The following TRPC3 variants were observed in gnomAD, a reference collection of about 807,000 sequenced individuals.
TRPC3 encodes the protein short transient receptor potential channel 3.
Under a neutral mutation model 90.9 loss-of-function variants are expected in TRPC3, and 54 were observed. That is an observed-to-expected ratio of 0.59 (90% CI 0.48 to 0.75). The LOEUF is 0.75. TRPC3 is among the 30% of genes least tolerant of loss of function. The pLI, the probability that TRPC3 is intolerant of heterozygous loss-of-function variation, is 0.00. For synonymous variants in TRPC3, 424 were observed against 450.9 expected, an observed-to-expected ratio of 0.94 and a Z score of 0.75; for missense variants, 918 against 1,194.5, an observed-to-expected ratio of 0.77 and a Z score of 3.41.
At chr4:121,905,779 T>G (rs565745069) in intron 7 of TRPC3, among the ~76,000 whole-genome samples, 78 of 152,238 alleles carry the variant, frequency 5.1e-4, no homozygotes, top group African/African-American at 1.9e-3. Flanking sequence ...GCACCTATTA[T>G]GTTCCAGAAA....
At chr4:121,897,731 T>C (rs572119799) in intron 10 of TRPC3, among the ~76,000 whole-genome samples, 16 of 152,006 alleles carry the variant, frequency 1.1e-4, no homozygotes, top group Non-Finnish European at 1.6e-4. Context: ...AACCATTATG[T>C]AGAACAGTAT....
intron 2 of TRPC3, among the ~76,000 whole-genome samples, chr4:121,930,305 T>C (rs1024939193): frequency 1.3e-5 from 2 of 152,164 alleles, no homozygotes; most frequent in African/African-American, 4.8e-5. Context: ...GAGATTTAGA[T>C]GATTTTTGCT....
At position 121,903,050 on chromosome 4, in the gene TRPC3, A is replaced by C; in HGVS notation, c.2265T>G (p.Asp755Glu). 6.2e-7 allele frequency: 1 copy of C among 1,611,572 alleles called. No homozygotes were observed. ...SSYQEIEDDS[D>E]VEWKFARSKL... ...TTGAACGAGCAAACTTCCATTCTAC[A>C]TCACTGTCATCCTGTGTCACAAAAA... The change falls in exon 9 of 12, where the codon GAT (aspartate) becomes GAG (glutamate). Residue 755 changes from aspartate to glutamate, a missense_variant. This residue lies in a region of TRPC3 where 121 missense variants were observed against 135.7 expected (regional missense o/e 0.89). Coordinates refer to ENST00000379645, the MANE Select transcript of TRPC3 (RefSeq NM_001130698.2).
At chr4:121,922,809 CAATATATT>C (rs1337589327) in intron 3 of TRPC3, among the ~76,000 whole-genome samples, 3 of 152,200 alleles carry the variant, frequency 2.0e-5, no homozygotes, top group African/African-American at 4.8e-5. Flanking sequence ...CCTTTTCCCT[CAATATATT>C]AATAACAAAA....
rs199593201 is a variant in TRPC3 at position 121,932,575 on chromosome 4, G to C, written c.683C>G (p.Thr228Arg). 3 of 1,614,214 alleles carry C rather than the reference G, an allele frequency of 1.9e-6. No individual in the cohort carries two copies. Among genetic ancestry groups the C allele is most frequent in the Non-Finnish European group, 1.7e-6 (2 of 1,180,046 alleles). Residue 228 changes from threonine to arginine, a missense_variant, in exon 2 of 12, where the codon ACG becomes AGG. This residue lies in a region of TRPC3 where 609 missense variants were observed against 725.9 expected (regional missense o/e 0.84). Coordinates refer to ENST00000379645, the MANE Select transcript of TRPC3 (RefSeq NM_001130698.2). This position sits in a 1 kb window ranked among gnomAD's most constrained non-coding sequence, Gnocchi z 7.7. ...GGGGGTGATGTCCGGCGAGAAGCGC[G>C]TGCCGTCCTCGTCGTAAGCGTAGAA... is the stretch of plus-strand genomic sequence containing the variant. ...DDFYAYDEDGTRFSPDITPII... is the reference protein window; with the variant it reads ...DDFYAYDEDGRRFSPDITPII...
At chr4:121,903,085 A>G in intron 8 of TRPC3, 24 bp from the exon 9 acceptor site, 1 of 1,573,414 alleles carries the variant, frequency 6.4e-7, no homozygotes, top group Non-Finnish European at 8.6e-7. Flanking sequence ...ATAGAAAAAA[A>G]AACTAATTTT....
At chr4:121,921,748 T>C (rs1578637131) in intron 3 of TRPC3, among the ~76,000 whole-genome samples, 2 of 151,588 alleles carry the variant, frequency 1.3e-5, no homozygotes, top group Non-Finnish European at 2.9e-5. Context: ...GTGGGCAGGG[T>C]TTGTGCATCA....
intron 2 of TRPC3, among the ~76,000 whole-genome samples, chr4:121,931,753 G>A (rs915432344): frequency 6.6e-6 from 1 of 152,102 alleles, no homozygotes. Flanking sequence ...ACAAATGCTT[G>A]GGCCAATGAA....
intron 1 of TRPC3, chr4:121,950,742 C>A (rs1256530254): frequency 6.6e-6 from 1 of 152,324 alleles, no homozygotes; most frequent in Admixed American, 6.5e-5. Context: ...GACCCTGCAC[C>A]GCCTGGGAAC....
At chr4:121,949,740 CACA>C (rs1222277620) in intron 1 of TRPC3, among the ~76,000 whole-genome samples, 2 of 152,090 alleles carry the variant, frequency 1.3e-5, no homozygotes, top group Non-Finnish European at 2.9e-5. Flanking sequence ...ATAAGTATAC[CACA>C]ACATTTACTT....
chr4:121,911,736 T>TA (rs1462044611), intron 5 of TRPC3, 141 bp downstream of exon 5: 3 of 875,328 alleles, frequency 3.4e-6, no homozygotes, highest in Non-Finnish European at 5.0e-6. Context: ...ATTATTTGGT[T>TA]ATTTTGCTAT....
At chr4:121,914,096 T>A (rs1424860086) in intron 4 of TRPC3, among the ~76,000 whole-genome samples, 1 of 152,152 alleles carries the variant, frequency 6.6e-6, no homozygotes, top group African/African-American at 2.4e-5. Flanking sequence ...TGCTAGGGGA[T>A]CTCTTGGGCA....
intron 5 of TRPC3, 26 bp from the exon 6 acceptor site, chr4:121,910,413 A>G (rs201609586): frequency 6.3e-7 from 1 of 1,599,220 alleles, no homozygotes; most frequent in Non-Finnish European, 8.6e-7. Flanking sequence ...CAGAGGGTGC[A>G]GGTCAGATTT....
intron 8 of TRPC3, among the ~76,000 whole-genome samples, chr4:121,904,082 T>G (rs895801008): frequency 2.0e-4 from 31 of 152,142 alleles, no homozygotes; most frequent in African/African-American, 7.5e-4. Flanking sequence ...TTCTGAAATA[T>G]ACCCTGAGAG....
intron 1 of TRPC3, among the ~76,000 whole-genome samples, chr4:121,943,192 C>A (rs542793094): frequency 1.2e-3 from 187 of 151,954 alleles, no homozygotes; most frequent in Middle Eastern, 3.4e-3. Context: ...ATTTTCCCCC[C>A]CTAGATTACA....
chr4:121,879,455 C>A lies in TRPC3; in HGVS notation c.*281G>T. 3.2e-6 allele frequency: 1 copy of A among 313,716 alleles called. No homozygotes were observed. The highest frequency in any genetic ancestry group is 3.4e-5 in the South Asian group (1 of 29,000). 19.4% of individuals were successfully genotyped at this position (313,716 alleles called of 1,614,324 possible). On this transcript the variant is annotated 3_prime_UTR_variant, in exon 12 of 12. Transcript: ENST00000379645. ...GTCTCTTGGAGGCAAACAGGTAGTGCAAAGATGTGGAGTTTACTCTAAAAT... is the reference window on the plus strand; with the variant it reads ...GTCTCTTGGAGGCAAACAGGTAGTGAAAAGATGTGGAGTTTACTCTAAAAT...
chr4:121,941,782 T>C (rs1730323755), intron 1 of TRPC3, among the ~76,000 whole-genome samples: 1 of 152,150 alleles, frequency 6.6e-6, no homozygotes, highest in Non-Finnish European at 1.5e-5. Flanking sequence ...ACAGTCTTAA[T>C]AATATCATCA....
At chr4:121,898,146 C>T (rs1728582685) in intron 10 of TRPC3, among the ~76,000 whole-genome samples, 1 of 152,096 alleles carries the variant, frequency 6.6e-6, no homozygotes, top group Non-Finnish European at 1.5e-5. Flanking sequence ...ACGAAGGATA[C>T]TAGAGACTGG....
intron 10 of TRPC3, among the ~76,000 whole-genome samples, chr4:121,898,481 C>A (rs555458112): frequency 2.6e-5 from 4 of 152,156 alleles, no homozygotes; most frequent in Non-Finnish European, 5.9e-5. Flanking sequence ...CCTGAAGAGC[C>A]TGAAGATCTG....
Sources: allele counts gnomAD v4.1 joint callset (sites outside exome capture counted in the v4.1 genomes callset), GRCh38; gene constraint gnomAD v4.1.1; regional missense constraint gnomAD v4.1.1; non-coding constraint Gnocchi (gnomAD v3.1); transcripts MANE v1.5; gene names NCBI Gene and HGNC (gene_info 2026-07-23, HGNC 2026-07-21).